Variants in RBM33 observed in about 807,000 individuals in gnomAD.
The protein encoded by RBM33 is RNA-binding protein 33.
In RBM33, 28 loss-of-function variants were observed where a neutral mutation model predicts 132.6. The observed-to-expected ratio is 0.21, with a 90% confidence interval of 0.16 to 0.29. RBM33 has a LOEUF of 0.29. RBM33 is among the 10% of genes least tolerant of loss of function. The pLI is 1.00. For synonymous variants in RBM33, 634 were observed against 593.0 expected, an observed-to-expected ratio of 1.07 and a Z score of -1.01; for missense variants, 1,291 against 1,518.5, an observed-to-expected ratio of 0.85 and a Z score of 2.49.
intron 14 of RBM33, among the ~76,000 whole-genome samples, chr7:155,757,804 C>T (rs1801900529): frequency 6.9e-6 from 1 of 145,948 alleles, no homozygotes; most frequent in South Asian, 2.1e-4. Context: ...AGGGAGGCCT[C>T]AGGAAGCTTC....
rs1231809726 is a variant in RBM33 at position 155,673,550 on chromosome 7, GTA to G, written c.171+644_171+645del. Among the ~76,000 whole-genome samples the G allele has an allele frequency of 5.0e-4, 24 of 48,382 alleles. 2 individuals are homozygous for G. The highest frequency in any genetic ancestry group is 1.1e-3 in the East Asian group (2 of 1,898). 31.7% of individuals were successfully genotyped at this position (48,382 alleles called of 152,430 possible). ...TACACACATATATACATACACACGT[GTA>G]TATATATACACACATATACATACAC... On this transcript the variant is annotated intron_variant, in intron 3 of 17. Transcript: ENST00000401878.
intron 6 of RBM33, chr7:155,701,156 A>G: frequency 1.7e-6 from 1 of 581,884 alleles, no homozygotes; most frequent in South Asian, 2.3e-5. Context: ...AAATGCTTGA[A>G]TAAAATGTTT....
chr7:155,668,752 G>T (rs1365334272), intron 2 of RBM33, among the ~76,000 whole-genome samples: 1 of 152,188 alleles, frequency 6.6e-6, no homozygotes, highest in Non-Finnish European at 1.5e-5. Context: ...AGCACTTGCA[G>T]GGATGAGTTT....
At chr7:155,704,005 G>T (rs1278045087) in intron 6 of RBM33, among the ~76,000 whole-genome samples, 1 of 152,132 alleles carries the variant, frequency 6.6e-6, no homozygotes, top group South Asian at 2.1e-4. Context: ...TCTTTAAGAG[G>T]GAGAATCAAA....
chr7:155,750,439 C>T (rs1801655139), intron 14 of RBM33, among the ~76,000 whole-genome samples: 1 of 152,278 alleles, frequency 6.6e-6, no homozygotes, highest in African/African-American at 2.4e-5. Flanking sequence ...AAACAAGTGC[C>T]AGGGGAAATT....
intron 5 of RBM33, among the ~76,000 whole-genome samples, chr7:155,690,228 CCTT>C (rs1799596421): frequency 6.6e-6 from 1 of 152,160 alleles, no homozygotes; most frequent in East Asian, 1.9e-4. Flanking sequence ...TATGTAATGC[CCTT>C]CTTTGTCTCT....
chr7:155,675,763 C>T (rs369059010), intron 3 of RBM33, among the ~76,000 whole-genome samples: 38 of 152,082 alleles, frequency 2.5e-4, no homozygotes, highest in Admixed American at 2.0e-4. Flanking sequence ...GGAATTCTGG[C>T]CTGAGGGTGG....
intron 1 of RBM33, among the ~76,000 whole-genome samples, chr7:155,653,475 C>T (rs1018936127): frequency 5.5e-5 from 8 of 144,602 alleles, no homozygotes; most frequent in Non-Finnish European, 1.1e-4. Flanking sequence ...TGGCTTATAG[C>T]GGGGGTGGGG....
intron 8 of RBM33, among the ~76,000 whole-genome samples, chr7:155,715,377 G>C (rs1800431901): frequency 6.6e-6 from 1 of 152,212 alleles, no homozygotes; most frequent in African/African-American, 2.4e-5. Context: ...AATACGTACA[G>C]ATTTTCTTTA....
rs1409523435 is a variant in RBM33, at chr7:155,774,571, C to T, written c.3388C>T (p.Leu1130Phe). 2 of 1,613,432 alleles carry T rather than the reference C, an allele frequency of 1.2e-6. No homozygotes were observed. Among genetic ancestry groups the T allele is most frequent in the East Asian group, 2.2e-5 (1 of 44,890 alleles). The change falls in exon 17 of 18, where the codon CTT becomes TTT. Residue 1130 changes from leucine to phenylalanine, a missense_variant. Transcript: ENST00000401878. The surrounding 1 kb of genome is among the most constrained non-coding windows in gnomAD (Gnocchi z 4.2). ...SVGPIQSLQM[L>F]PQQRKAIAKF... The stretch of plus-strand genomic sequence containing the variant: ...TTTCTTCCTCTAGAGTTTACAGATG[C>T]TTCCTCAGCAACGGAAAGCCATAGC...
rs549653949 is a variant in RBM33, at chr7:155,719,219, A to T, written c.1260+776A>T. On this transcript the variant is annotated intron_variant, in intron 9 of 17. Coordinates refer to ENST00000401878, the MANE Select transcript of RBM33 (RefSeq NM_053043.3). The stretch of plus-strand genomic sequence containing the variant: ...GTGTAGGGGAAAAAATGTACTGACC[A>T]TAAAATTTTAATGTCATTTATATGT... Among the ~76,000 whole-genome samples, 3 of 152,218 alleles carry T rather than the reference A, an allele frequency of 2.0e-5. No homozygotes were observed. In the South Asian group the frequency reaches 6.2e-4, roughly 32 times the overall value.
Position 155,774,970 on chromosome 7 carries a change from A to G in RBM33, c.3465-23A>G, listed in dbSNP as rs1481869057. 2 of 1,612,462 alleles carry G rather than the reference A, an allele frequency of 1.2e-6. No homozygotes were observed. The highest frequency in any genetic ancestry group is 2.7e-5 in the African/African-American group (2 of 74,810). Reference sequence around the variant, plus strand: ...TTGCCGATGTGCAGGGTTAGTGTCGATCGTTTCTTTAAATTTTCACAGGCA... The same window carrying G: ...TTGCCGATGTGCAGGGTTAGTGTCGGTCGTTTCTTTAAATTTTCACAGGCA... On this transcript the variant is annotated intron_variant, in intron 17 of 17. Coordinates refer to ENST00000401878, the MANE Select transcript of RBM33 (RefSeq NM_053043.3). This position sits in a 1 kb window ranked among gnomAD's most constrained non-coding sequence, Gnocchi z 4.2.
chr7:155,759,857 AC>A (rs1171771468), intron 14 of RBM33, among the ~76,000 whole-genome samples: 1 of 152,030 alleles, frequency 6.6e-6, no homozygotes, highest in Admixed American at 6.5e-5. Context: ...TGCCAGGGAA[AC>A]CGGCCAGAGC....
At chr7:155,721,652 TATA>T (rs57373162) in intron 9 of RBM33, among the ~76,000 whole-genome samples, 36,335 of 151,904 alleles carry the variant, frequency 0.24, 4,570 homozygotes, top group African/African-American at 0.32. Flanking sequence ...TTTGCTGAGT[TATA>T]ATACCTCTAG....
intron 16 of RBM33, among the ~76,000 whole-genome samples, chr7:155,771,763 G>T (rs573946547): frequency 1.3e-5 from 2 of 151,824 alleles, no homozygotes; most frequent in East Asian, 1.9e-4. Context: ...ACAGAGTCTC[G>T]CTCTGTCACC....
At chr7:155,715,818 T>C (rs1800444380) in intron 8 of RBM33, among the ~76,000 whole-genome samples, 1 of 152,214 alleles carries the variant, frequency 6.6e-6, no homozygotes, top group Non-Finnish European at 1.5e-5. Context: ...TCAAGATGTC[T>C]CCTGTAGGTA....
intron 8 of RBM33, among the ~76,000 whole-genome samples, chr7:155,716,557 C>T (rs889783094): frequency 6.6e-6 from 1 of 151,958 alleles, no homozygotes; most frequent in Non-Finnish European, 1.5e-5. Context: ...TACCTATGAT[C>T]GAGTTAGTGA....
At chr7:155,771,336 G>T (rs1021640214) in intron 16 of RBM33, among the ~76,000 whole-genome samples, 1 of 152,162 alleles carries the variant, frequency 6.6e-6, no homozygotes, top group Non-Finnish European at 1.5e-5. Flanking sequence ...GTCAAAAATG[G>T]TTGAATATTG....
rs1005660464 is a variant in RBM33, at chr7:155,678,698, C to T, written c.248+14C>T. On this transcript the variant is annotated intron_variant, in intron 4 of 17. Coordinates refer to ENST00000401878, the MANE Select transcript of RBM33 (RefSeq NM_053043.3). Reference sequence around the variant, plus strand: ...AGAAAATTTCAGGTACTCAATATTACCTCATTATAAATGTTCTTTATTTAA... The same window carrying T: ...AGAAAATTTCAGGTACTCAATATTATCTCATTATAAATGTTCTTTATTTAA... 2 of 1,321,186 alleles carry T rather than the reference C, an allele frequency of 1.5e-6. No homozygotes were observed. The highest frequency in any genetic ancestry group is 2.1e-6 in the Non-Finnish European group (2 of 937,542). 81.8% of individuals were successfully genotyped at this position (1,321,186 alleles called of 1,614,324 possible). A position where few individuals can be genotyped will look rare whatever the true frequency, so the allele number is the denominator to read the frequency against.
Sources: gnomAD v4.1 joint callset for allele counts (sites outside exome capture counted in the v4.1 genomes callset) on GRCh38, gnomAD v4.1.1 for gene constraint, Gnocchi (gnomAD v3.1) non-coding constraint, MANE v1.5 for transcripts, NCBI Gene and HGNC (gene_info 2026-07-23, HGNC 2026-07-21) for gene names.